The following CKS1B variants were observed in gnomAD, a reference collection of about 807,000 sequenced individuals.
CKS1B encodes the protein cyclin-dependent kinases regulatory subunit 1.
In CKS1B, 5 loss-of-function variants were observed where a neutral mutation model predicts 12.2. That is an observed-to-expected ratio of 0.41 (90% CI 0.21 to 0.86). The LOEUF (loss-of-function observed/expected upper bound fraction) is 0.86, where lower values mean the gene tolerates loss of function less well. Ranked by LOEUF, CKS1B falls within the 40% of genes least tolerant of loss-of-function variation. CKS1B has a pLI of 0.32. For synonymous variants in CKS1B, 24 were observed against 34.4 expected, an observed-to-expected ratio of 0.70 and a Z score of 1.06; for missense variants, 53 against 99.9, an observed-to-expected ratio of 0.53 and a Z score of 2.00.
At chr1:154,975,754 C>T (rs1210871706) in intron 1 of CKS1B, 1 of 154,844 alleles carries the variant, frequency 6.5e-6, no homozygotes, top group Non-Finnish European at 1.5e-5. Flanking sequence ...GTCTTCTTCC[C>T]TGGGCTTGGT....
intron 1 of CKS1B, among the ~76,000 whole-genome samples, chr1:154,976,588 A>T (rs778843312): frequency 5.3e-5 from 8 of 152,164 alleles, no homozygotes; most frequent in South Asian, 2.1e-4. Context: ...TTTCCTCTAC[A>T]TCTGAACTAA....
intron 2 of CKS1B, 63 bp downstream of exon 2, chr1:154,978,177 A>G (rs1657236248): frequency 6.6e-7 from 1 of 1,524,764 alleles, no homozygotes; most frequent in African/African-American, 1.4e-5. Context: ...AAAGAATAAG[A>G]TTGTATAACC....
chr1:154,978,847 CATT>C lies in CKS1B; in HGVS notation c.*76_*78del, dbSNP rs1234343630. ...TTACTTCCTAACATCTTTCTGATAA[CATT>C]ATTATGTTGCCTTCTTGTTTCTCAC... On this transcript the variant is annotated 3_prime_UTR_variant, in exon 3 of 3. Coordinates refer to ENST00000308987, the MANE Select transcript of CKS1B (RefSeq NM_001826.3). 2.2e-5 allele frequency: 20 copies of C among 914,140 alleles called. No individual in the cohort carries two copies. The East Asian group carries it at 4.4e-4, about 20-fold the overall frequency. 56.6% of individuals were successfully genotyped at this position (914,140 alleles called of 1,614,324 possible). A position where few individuals can be genotyped will look rare whatever the true frequency, so the allele number is the denominator to read the frequency against.
intron 1 of CKS1B, among the ~76,000 whole-genome samples, chr1:154,976,922 G>A (rs999499770): frequency 6.6e-5 from 10 of 152,090 alleles, no homozygotes; most frequent in African/African-American, 2.4e-4. Context: ...TAATTTTTTT[G>A]CTATGAAGGG....
Position 154,978,597 on chromosome 1 carries a change from A to G in CKS1B, c.188-128A>G, listed in dbSNP as rs1156267357. ...CTTCTGGGTCTGCTTCTAAGGCCATATGCTTAAGTCTTTATTTAGTTATAA... is the reference window on the plus strand; with the variant it reads ...CTTCTGGGTCTGCTTCTAAGGCCATGTGCTTAAGTCTTTATTTAGTTATAA... On this transcript the variant is annotated intron_variant, in intron 2 of 2. Transcript: ENST00000308987. 1.3e-5 allele frequency: 10 copies of G among 751,996 alleles called. No homozygotes were observed. In the Middle Eastern group the frequency reaches 2.1e-3, roughly 157 times the overall value. 46.6% of individuals were successfully genotyped at this position (751,996 alleles called of 1,614,324 possible).
chr1:154,978,653 G>T, intron 2 of CKS1B, 72 bp from the exon 3 acceptor site: 2 of 1,236,050 alleles, frequency 1.6e-6, no homozygotes, highest in South Asian at 1.2e-5. Flanking sequence ...TGGGGAGGTG[G>T]TAGTGGAATA....
Position 154,978,841 on chromosome 1 carries a change from T to G in CKS1B, c.*64T>G. ...CTGTCCTTACTTCCTAACATCTTTC[T>G]GATAACATTATTATGTTGCCTTCTT... On this transcript the variant is annotated 3_prime_UTR_variant, in exon 3 of 3. Coordinates refer to ENST00000308987, the MANE Select transcript of CKS1B (RefSeq NM_001826.3). The G allele has an allele frequency of 1.0e-6, 1 of 960,644 alleles. No homozygotes were observed. Among genetic ancestry groups the G allele is most frequent in the Admixed American group, 1.9e-5 (1 of 53,544 alleles). The allele number at this position is 960,644 out of a possible 1,614,324, so 59.5% of individuals were successfully genotyped here.
chr1:154,978,316 G>T, intron 2 of CKS1B: 4 of 579,342 alleles, frequency 6.9e-6, no homozygotes, highest in Non-Finnish European at 3.0e-6. Flanking sequence ...ACCTGTCACT[G>T]AAAAACCTCC....
rs548030303 is a variant in CKS1B, at chr1:154,974,937, T to G, written c.59+133T>G. ...GGTGCGAACGGGCAATGGTGTGATA[T>G]TGTGGAAGGCGTAAGGCGCATGCGC... On this transcript the variant is annotated intron_variant, in intron 1 of 2. Coordinates refer to ENST00000308987, the MANE Select transcript of CKS1B (RefSeq NM_001826.3). The G allele has an allele frequency of 3.5e-5, 57 of 1,613,456 alleles. 1 individual carries two copies. The highest frequency in any genetic ancestry group is 4.2e-5 in the Non-Finnish European group (50 of 1,179,740).
At chr1:154,975,059 A>C in intron 1 of CKS1B, 1 of 856,202 alleles carries the variant, frequency 1.2e-6, no homozygotes. Context: ...GGTACTGACC[A>C]CCCTCACCCA....
At chr1:154,974,928 G>C in intron 1 of CKS1B, 124 bp downstream of exon 1, 1 of 1,613,740 alleles carries the variant, frequency 6.2e-7, no homozygotes, top group Non-Finnish European at 8.5e-7. Flanking sequence ...AACGGGCAAT[G>C]GTGTGATATT....
At chr1:154,975,238 G>A in intron 1 of CKS1B, 1 of 521,130 alleles carries the variant, frequency 1.9e-6, no homozygotes, top group Admixed American at 3.5e-5. Flanking sequence ...GTTGAATATT[G>A]CTTATTAACT....
At chr1:154,978,248 T>C (rs561341928) in intron 2 of CKS1B, 134 bp downstream of exon 2, 1 of 1,023,094 alleles carries the variant, frequency 9.8e-7, no homozygotes, top group East Asian at 2.9e-5. Context: ...GGGGGATTTT[T>C]TTAAAAAAAA....
chr1:154,976,478 G>A (rs879332644), intron 1 of CKS1B, among the ~76,000 whole-genome samples: 5 of 152,198 alleles, frequency 3.3e-5, no homozygotes, highest in Non-Finnish European at 7.3e-5. Context: ...AGGGCTTTGG[G>A]TCTTCCAGAG....
chr1:154,974,749 T>A lies in CKS1B; in HGVS notation c.4T>A (p.Ser2Thr). 6.2e-7 allele frequency: 1 copy of A among 1,604,026 alleles called. No homozygotes were observed. The highest frequency in any genetic ancestry group is 8.5e-7 in the Non-Finnish European group (1 of 1,175,176). Residue 2 changes from serine to threonine, a missense_variant, in exon 1 of 3, where the codon TCG becomes ACG. Coordinates refer to ENST00000308987, the MANE Select transcript of CKS1B (RefSeq NM_001826.3). ...AAGGCTAGCAAACCGAGCGATCATG[T>A]CGCACAAACAAATTTACTATTCGGA... M[S>T]HKQIYYSDKY...
chr1:154,975,278 G>T (rs1657132479), intron 1 of CKS1B, among the ~76,000 whole-genome samples: 1 of 152,134 alleles, frequency 6.6e-6, no homozygotes, highest in East Asian at 1.9e-4. Flanking sequence ...GTGGTTGTCT[G>T]GCTTGTGTAA....
chr1:154,977,772 T>A (rs1657226726), intron 1 of CKS1B: 2 of 516,238 alleles, frequency 3.9e-6, no homozygotes. Flanking sequence ...GCTCATTCAC[T>A]GGAATTATTC....
intron 1 of CKS1B, chr1:154,975,863 A>G (rs887500274): frequency 2.6e-5 from 4 of 154,724 alleles, no homozygotes; most frequent in Admixed American, 2.0e-4. Context: ...GTTTTCATTT[A>G]TATGTCGGAG....
At chr1:154,978,442 GA>G in intron 2 of CKS1B, 1 of 550,450 alleles carries the variant, frequency 1.8e-6, no homozygotes, top group Non-Finnish European at 3.2e-6. Flanking sequence ...ATAAGCAAAG[GA>G]AAGTATATTT....
Sources: allele counts gnomAD v4.1 joint callset (sites outside exome capture counted in the v4.1 genomes callset), GRCh38; gene constraint gnomAD v4.1.1; transcripts MANE v1.5; gene names NCBI Gene and HGNC (gene_info 2026-07-23, HGNC 2026-07-21).